The following LRP1B variants were observed in gnomAD, a reference collection of about 807,000 sequenced individuals.
LRP1B encodes the protein LDL receptor related protein 1B, also known as low-density lipoprotein receptor-related protein 1B.
LRP1B carries 217 observed loss-of-function variants against 556.6 expected under a neutral mutation model. That is an observed-to-expected ratio of 0.39 (90% CI 0.35 to 0.44). The LOEUF (loss-of-function observed/expected upper bound fraction) is 0.44, where lower values mean the gene tolerates loss of function less well. LRP1B is among the 20% of genes least tolerant of loss of function. The pLI is 1.00. For missense variants in LRP1B, 5,053 were observed against 5,620.8 expected (o/e 0.90, Z 3.23); for synonymous variants, 2,047 against 1,865.8 (o/e 1.10, Z -2.50).
At chr2:140,824,179 TA>T (rs1423330035) in intron 31 of LRP1B, among the ~76,000 whole-genome samples, 3 of 150,198 alleles carry the variant, frequency 2.0e-5, no homozygotes, top group African/African-American at 7.6e-5. Context: ...TATTTTCTCT[TA>T]ATTAGTAAGA....
intron 1 of LRP1B, among the ~76,000 whole-genome samples, chr2:142,089,125 C>G (rs1231198199): frequency 6.6e-6 from 1 of 152,030 alleles, no homozygotes; most frequent in East Asian, 1.9e-4. Context: ...CAGATAAAAG[C>G]TATTAAATTC....
chr2:140,681,649 T>C (rs1441892697), intron 41 of LRP1B, among the ~76,000 whole-genome samples: 2 of 152,118 alleles, frequency 1.3e-5, no homozygotes, highest in African/African-American at 2.4e-5. Context: ...AAAAAGACTA[T>C]AGGGAGGTAA....
At chr2:141,970,769 C>T (rs1701706537) in intron 1 of LRP1B, among the ~76,000 whole-genome samples, 1 of 151,472 alleles carries the variant, frequency 6.6e-6, no homozygotes, top group African/African-American at 2.4e-5. Flanking sequence ...GATAACTCTT[C>T]CTGTAATTTC....
intron 20 of LRP1B, among the ~76,000 whole-genome samples, chr2:140,949,449 T>C (rs1695638933): frequency 1.3e-5 from 2 of 152,178 alleles, no homozygotes; most frequent in Admixed American, 1.3e-4. Flanking sequence ...AGAGCCATGG[T>C]CATAATCTCC....
chr2:140,900,340 T>G (rs569299014), intron 23 of LRP1B, among the ~76,000 whole-genome samples: 1 of 152,338 alleles, frequency 6.6e-6, no homozygotes, highest in African/African-American at 2.4e-5. Flanking sequence ...GTGTCTGAGG[T>G]CAATATTTGA....
chr2:141,404,438 A>C (rs1027858314), intron 3 of LRP1B, among the ~76,000 whole-genome samples: 2 of 152,192 alleles, frequency 1.3e-5, no homozygotes, highest in African/African-American at 4.8e-5. Flanking sequence ...AAAATATGTA[A>C]GAGGAAAAAG....
At chr2:141,424,808 A>G (rs1207318494) in intron 3 of LRP1B, among the ~76,000 whole-genome samples, 2 of 152,182 alleles carry the variant, frequency 1.3e-5, no homozygotes, top group African/African-American at 4.8e-5. Flanking sequence ...AATTTACTCA[A>G]TGCACATTCC....
intron 3 of LRP1B, among the ~76,000 whole-genome samples, chr2:141,261,043 T>C (rs182410833): frequency 8.5e-5 from 13 of 152,300 alleles, no homozygotes; most frequent in Admixed American, 2.0e-4. Context: ...ATTGAAAAGC[T>C]GACACAGCTA....
intron 12 of LRP1B, among the ~76,000 whole-genome samples, chr2:141,019,674 A>G (rs1698009773): frequency 6.6e-6 from 1 of 152,034 alleles, no homozygotes; most frequent in Non-Finnish European, 1.5e-5. Context: ...TTATAGTGCT[A>G]ATTTTGAATA....
chr2:142,127,855 C>A (rs1413938114), intron 1 of LRP1B, among the ~76,000 whole-genome samples: 1 of 152,004 alleles, frequency 6.6e-6, no homozygotes, highest in Non-Finnish European at 1.5e-5. Flanking sequence ...AATCCCTTTT[C>A]AGAAAATTTG....
intron 49 of LRP1B, among the ~76,000 whole-genome samples, chr2:140,522,511 G>A (rs1246835801): frequency 6.6e-6 from 1 of 150,990 alleles, no homozygotes; most frequent in African/African-American, 2.4e-5. Context: ...GCACCTAAAC[G>A]AACCAAGGAA....
chr2:141,539,204 T>A (rs957496805), intron 2 of LRP1B, among the ~76,000 whole-genome samples: 1 of 131,348 alleles, frequency 7.6e-6, no homozygotes, highest in Admixed American at 7.8e-5. Context: ...ACCCAGGAAG[T>A]TATTATCATA....
chr2:141,085,576 A>C (rs748110664), intron 7 of LRP1B, among the ~76,000 whole-genome samples: 2 of 152,132 alleles, frequency 1.3e-5, no homozygotes, highest in African/African-American at 2.4e-5. Context: ...GGCCTCAAGA[A>C]ACCAAACCTG....
At chr2:140,956,663 G>A (rs556569587) in intron 18 of LRP1B, among the ~76,000 whole-genome samples, 24 of 151,846 alleles carry the variant, frequency 1.6e-4, no homozygotes, top group Middle Eastern at 6.8e-3. Context: ...CGATATGAGA[G>A]TAGTGTACCA....
At chr2:141,714,778 A>G (rs1692513458) in intron 2 of LRP1B, among the ~76,000 whole-genome samples, 1 of 152,108 alleles carries the variant, frequency 6.6e-6, no homozygotes, top group Non-Finnish European at 1.5e-5. Flanking sequence ...CTAGAATGTC[A>G]ACAAAGAGAG....
chr2:140,284,308 C>CA (rs61266504), intron 84 of LRP1B, among the ~76,000 whole-genome samples: 331 of 135,222 alleles, frequency 2.4e-3, no homozygotes, highest in African/African-American at 7.7e-3. Context: ...CCCTCCCCCC[C>CA]AAAAAAAAAC....
intron 20 of LRP1B, among the ~76,000 whole-genome samples, chr2:140,944,639 T>C (rs1372471315): frequency 6.6e-6 from 1 of 152,110 alleles, no homozygotes; most frequent in African/African-American, 2.4e-5. Context: ...AACCACCACA[T>C]AAACAGAATT....
chr2:140,608,083 C>T (rs967556622), intron 41 of LRP1B, among the ~76,000 whole-genome samples: 1 of 151,942 alleles, frequency 6.6e-6, no homozygotes, highest in Non-Finnish European at 1.5e-5. Context: ...AAAATCTACA[C>T]TGTAATCTGA....
At chr2:141,517,043 GA>G (rs1684346595) in intron 2 of LRP1B, among the ~76,000 whole-genome samples, 1 of 101,934 alleles carries the variant, frequency 9.8e-6, no homozygotes, top group Non-Finnish European at 2.0e-5. Context: ...GTAAATCAAT[GA>G]AATAATTTAA....
Sources: gnomAD v4.1 joint callset for allele counts (sites outside exome capture counted in the v4.1 genomes callset) on GRCh38, gnomAD v4.1.1 for gene constraint, MANE v1.5 for transcripts, NCBI Gene and HGNC (gene_info 2026-07-23, HGNC 2026-07-21) for gene names.